LRRC38: variants seen among roughly 807,000 people sequenced by gnomAD.
LRRC38 encodes leucine-rich repeat-containing protein 38.
A neutral mutation model predicts 16.4 loss-of-function variants in LRRC38; 5 were observed. The ratio of observed to expected loss-of-function variants is 0.31; its 90% CI spans 0.16 to 0.64. The LOEUF (loss-of-function observed/expected upper bound fraction) is 0.64, where lower values mean the gene tolerates loss of function less well. Ranked by LOEUF, LRRC38 falls within the 30% of genes least tolerant of loss-of-function variation. The probability of loss-of-function intolerance (pLI) is 0.80; values close to 1 mark genes in which losing one functional copy is unlikely to be tolerated. For synonymous variants in LRRC38, 191 were observed against 190.2 expected, an observed-to-expected ratio of 1.00 and a Z score of -0.04; for missense variants, 341 against 401.8, an observed-to-expected ratio of 0.85 and a Z score of 1.29.
At chr1:13,480,214 G>A (rs982493788) in intron 1 of LRRC38, among the ~76,000 whole-genome samples, 5 of 152,274 alleles carry the variant, frequency 3.3e-5, no homozygotes, top group South Asian at 2.1e-4. Flanking sequence ...GCATGGTGGC[G>A]CATGCCTGTA....
At chr1:13,486,942 C>T (rs1196658130) in intron 1 of LRRC38, among the ~76,000 whole-genome samples, 2 of 152,118 alleles carry the variant, frequency 1.3e-5, no homozygotes, top group South Asian at 2.1e-4. Context: ...CGGTACCCAA[C>T]CCACACTGAG....
At chr1:13,490,567 C>T (rs1638999192) in intron 1 of LRRC38, among the ~76,000 whole-genome samples, 1 of 152,104 alleles carries the variant, frequency 6.6e-6, no homozygotes, top group Non-Finnish European at 1.5e-5. Context: ...GCTCCCACCA[C>T]CTCCCCATGT....
At chr1:13,505,706 G>A (rs959686263) in intron 1 of LRRC38, among the ~76,000 whole-genome samples, 3 of 152,218 alleles carry the variant, frequency 2.0e-5, no homozygotes, top group African/African-American at 7.2e-5. Context: ...AAGAGTGATG[G>A]GGTAGGGGTG....
At chr1:13,500,331 G>C (rs1413328346) in intron 1 of LRRC38, among the ~76,000 whole-genome samples, 1 of 151,784 alleles carries the variant, frequency 6.6e-6, no homozygotes, top group African/African-American at 2.4e-5. Context: ...TTGCCCACAA[G>C]GAAATTCTCT....
At position 13,513,489 on chromosome 1, in the gene LRRC38, G is replaced by T; in HGVS notation, c.105C>A (p.Thr35=). The part of the protein sequence containing the change: ...GHACPAGCAC[T]DPHTVDCRDR... ...CGCGGCAGTCCACGGTGTGCGGGTC[G>T]GTGCAGGCGCAGCCCGCGGGGCACG... Residue 35 remains threonine, a synonymous_variant, in exon 1 of 2, where the codon ACC becomes ACA. Transcript: ENST00000376085. The T allele has an allele frequency of 2.6e-6, 4 of 1,527,480 alleles. No individual in the cohort carries two copies. The highest frequency in any genetic ancestry group is 1.8e-6 in the Non-Finnish European group (2 of 1,136,068). The allele number at this position is 1,527,480 out of a possible 1,614,324, so 94.6% of individuals were successfully genotyped here. A position where few individuals can be genotyped will look rare whatever the true frequency, so the allele number is the denominator to read the frequency against.
Position 13,475,798 on chromosome 1 carries a change from G to A in LRRC38, c.*48C>T. On this transcript the variant is annotated 3_prime_UTR_variant, in exon 2 of 2. Transcript: ENST00000376085. The surrounding 1 kb of genome is among the most constrained non-coding windows in gnomAD (Gnocchi z 4.3). ...GCATTTCCCTCTCGTCTTGGAGAGA[G>A]CTTCTGGTTCGGTGCTGGAGAGTAA... 6.5e-7 allele frequency: 1 copy of A among 1,535,296 alleles called. No individual in the cohort carries two copies.
chr1:13,478,403 C>T (rs1014554095), intron 1 of LRRC38, among the ~76,000 whole-genome samples: 2 of 152,216 alleles, frequency 1.3e-5, no homozygotes, highest in Non-Finnish European at 2.9e-5. Flanking sequence ...GGCAATGCAG[C>T]TTCACAGTGA....
chr1:13,501,975 T>A (rs1417227145), intron 1 of LRRC38, among the ~76,000 whole-genome samples: 1 of 151,862 alleles, frequency 6.6e-6, no homozygotes, highest in Non-Finnish European at 1.5e-5. Context: ...TCACCCAGGC[T>A]GGAATGCAGT....
chr1:13,486,432 C>T (rs796337598), intron 1 of LRRC38, among the ~76,000 whole-genome samples: 6 of 152,204 alleles, frequency 3.9e-5, no homozygotes, highest in African/African-American at 1.4e-4. Context: ...CCTGGACACG[C>T]CTTTTCGGGG....
chr1:13,493,723 C>G (rs1249684081), intron 1 of LRRC38, among the ~76,000 whole-genome samples: 1 of 152,130 alleles, frequency 6.6e-6, no homozygotes, highest in Non-Finnish European at 1.5e-5. Context: ...CTGGAAGCCT[C>G]TAACCTGGAA....
chr1:13,477,671 C>G (rs1316465698), intron 1 of LRRC38, among the ~76,000 whole-genome samples: 2 of 152,040 alleles, frequency 1.3e-5, no homozygotes, highest in Non-Finnish European at 2.9e-5. Flanking sequence ...GACCCTGTCT[C>G]TACAAAATTT....
chr1:13,488,143 A>G (rs967997899), intron 1 of LRRC38, among the ~76,000 whole-genome samples: 15 of 152,156 alleles, frequency 9.9e-5, no homozygotes, highest in Middle Eastern at 3.4e-3. Context: ...TTCAACAAAT[A>G]TATCATTTTC....
chr1:13,478,587 G>A (rs940373162), intron 1 of LRRC38, among the ~76,000 whole-genome samples: 5 of 152,184 alleles, frequency 3.3e-5, no homozygotes, highest in Admixed American at 2.0e-4. Flanking sequence ...CAACTCTCAG[G>A]AAAACCTTCA....
chr1:13,509,795 A>C (rs1639254402), intron 1 of LRRC38, among the ~76,000 whole-genome samples: 1 of 152,182 alleles, frequency 6.6e-6, no homozygotes, highest in Admixed American at 6.5e-5. Context: ...GAAAAATTGA[A>C]GGCACAGAGG....
intron 1 of LRRC38, among the ~76,000 whole-genome samples, chr1:13,501,686 C>T (rs148856709): frequency 6.3e-5 from 6 of 94,870 alleles, no homozygotes; most frequent in African/African-American, 1.5e-4. Context: ...TTCCAACTCC[C>T]AGGTTCAAGC....
chr1:13,497,962 CAAAAAAAAAAA>C (rs370605050), intron 1 of LRRC38, among the ~76,000 whole-genome samples: 1 of 69,024 alleles, frequency 1.4e-5, no homozygotes, highest in African/African-American at 5.6e-5. Flanking sequence ...AACTCCATCA[CAAAAAAAAAAA>C]AAAAAAAAAG....
In LRRC38 at chr1:13,513,063, C is replaced by A. The variant is rs571180670; in HGVS notation, c.531G>T (p.Ala177=). The change falls in exon 1 of 2, where the codon GCG becomes GCT. Residue 177 remains alanine, a synonymous_variant. Coordinates refer to ENST00000376085, the MANE Select transcript of LRRC38 (RefSeq NM_001010847.2). Reference sequence around the variant, plus strand: ...TCCCGTCCAGACGCAGGGAGCGCAGCGCGGGCAGCGCGGCCAGGGCGGCCA... The same window carrying A: ...TCCCGTCCAGACGCAGGGAGCGCAGAGCGGGCAGCGCGGCCAGGGCGGCCA... ...LSVAALAALP[A]LRSLRLDGNP... The A allele has an allele frequency of 1.9e-6, 3 of 1,550,206 alleles. No individual in the cohort carries two copies. The highest frequency in any genetic ancestry group is 1.7e-6 in the Non-Finnish European group (2 of 1,146,760).
intron 1 of LRRC38, among the ~76,000 whole-genome samples, chr1:13,494,367 A>T (rs1424422226): frequency 6.7e-6 from 1 of 149,496 alleles, no homozygotes; most frequent in African/African-American, 2.5e-5. Flanking sequence ...AGTGGCATTG[A>T]CATGCTGTGT....
At chr1:13,492,306 G>A (rs1569923409) in intron 1 of LRRC38, among the ~76,000 whole-genome samples, 1 of 152,144 alleles carries the variant, frequency 6.6e-6, no homozygotes, top group South Asian at 2.1e-4. Flanking sequence ...GCTTTTTAAG[G>A]CTGCATAATA....
Sources: gnomAD v4.1 joint callset for allele counts (sites outside exome capture counted in the v4.1 genomes callset) on GRCh38, gnomAD v4.1.1 for gene constraint, Gnocchi (gnomAD v3.1) non-coding constraint, MANE v1.5 for transcripts, NCBI Gene and HGNC (gene_info 2026-07-23, HGNC 2026-07-21) for gene names.